The following MRPS21 variants were observed in gnomAD, a reference collection of about 807,000 sequenced individuals.
MRPS21 encodes small ribosomal subunit protein bS21m.
MRPS21 carries 8 observed loss-of-function variants against 9.9 expected under a neutral mutation model. That is an observed-to-expected ratio of 0.81 (90% CI 0.47 to 1.45). MRPS21 has a LOEUF of 1.45. MRPS21 is among the 40% of genes most tolerant of loss of function. The probability of loss-of-function intolerance (pLI) is 0.00; values close to 1 mark genes in which losing one functional copy is unlikely to be tolerated. For synonymous variants in MRPS21, 40 were observed against 40.3 expected, an observed-to-expected ratio of 0.99 and a Z score of 0.03; for missense variants, 101 against 118.9, an observed-to-expected ratio of 0.85 and a Z score of 0.70.
chr1:150,294,285 T>G lies in MRPS21; in HGVS notation c.-32-50T>G. On this transcript the variant is annotated intron_variant, in intron 1 of 2. Coordinates refer to ENST00000614145, the MANE Select transcript of MRPS21 (RefSeq NM_031901.6). ...AAGCCGCGCGGTGTAGTTTGTATTATGTTGCGTTTCTCTTTCTGCTTTCCT... is the reference window on the plus strand; with the variant it reads ...AAGCCGCGCGGTGTAGTTTGTATTAGGTTGCGTTTCTCTTTCTGCTTTCCT... 2.3e-6 allele frequency: 3 copies of G among 1,279,098 alleles called. 1 individual carries two copies. The Admixed American group carries it at 5.2e-5, about 22-fold the overall frequency. The allele number at this position is 1,279,098 out of a possible 1,614,324, so 79.2% of individuals were successfully genotyped here.
intron 2 of MRPS21, among the ~76,000 whole-genome samples, chr1:150,305,968 T>C (rs587607849): frequency 5.9e-5 from 9 of 152,294 alleles, no homozygotes; most frequent in African/African-American, 2.2e-4. Context: ...CATGTCCCTT[T>C]CCCTCTCCTT....
At chr1:150,303,503 CCT>C (rs1172961573) in intron 2 of MRPS21, among the ~76,000 whole-genome samples, 3 of 152,134 alleles carry the variant, frequency 2.0e-5, no homozygotes, top group African/African-American at 7.2e-5. Context: ...CTCTTCACTC[CCT>C]CTTTTACCCA....
intron 2 of MRPS21, among the ~76,000 whole-genome samples, chr1:150,294,753 G>C (rs1653850657): frequency 3.3e-5 from 5 of 151,654 alleles, no homozygotes; most frequent in African/African-American, 9.7e-5. Flanking sequence ...ACAAAAATTA[G>C]CCGGGCGTGG....
At position 150,308,204 on chromosome 1, in the gene MRPS21, G is replaced by A; in HGVS notation, c.240G>A (p.Arg80=). Residue 80 remains arginine (R), a synonymous_variant, in exon 3 of 3, where the codon CGG becomes CGA. Coordinates refer to ENST00000614145, the MANE Select transcript of MRPS21 (RefSeq NM_031901.6). Reference sequence around the variant, plus strand: ...TCAACTTCTTGATGCGAAAGAATCGGGCAGATCCGTGGCAGGGCTGCTGAG... The same window carrying A: ...TCAACTTCTTGATGCGAAAGAATCGAGCAGATCCGTGGCAGGGCTGCTGAG... ...RKINFLMRKN[R]ADPWQGC 6.3e-7 allele frequency: 1 copy of A among 1,599,778 alleles called. No homozygotes were observed. Among genetic ancestry groups the A allele is most frequent in the African/African-American group, 1.3e-5 (1 of 74,850 alleles).
rs1409067374 is a variant in MRPS21, at chr1:150,294,166, A to AT, written c.-32-168dup. On this transcript the variant is annotated intron_variant, in intron 1 of 2. Coordinates refer to ENST00000614145, the MANE Select transcript of MRPS21 (RefSeq NM_031901.6). ...GCGAGGATTTGGACTGGCAGTGAGAATAAGAGACAACGATTCACGTCTACT... is the reference window on the plus strand; with the variant it reads ...GCGAGGATTTGGACTGGCAGTGAGAATTAAGAGACAACGATTCACGTCTACT... 7 of 536,810 alleles carry AT rather than the reference A, an allele frequency of 1.3e-5. No homozygotes were observed. In the East Asian group the frequency reaches 2.0e-4, roughly 15 times the overall value. The allele number at this position is 536,810 out of a possible 1,614,324, so 33.3% of individuals were successfully genotyped here.
At chr1:150,294,232 G>A (rs916113782) in intron 1 of MRPS21, 103 bp from the exon 2 acceptor site, 37 of 722,532 alleles carry the variant, frequency 5.1e-5, no homozygotes, top group Middle Eastern at 3.9e-4. Context: ...GCGCGTCCCT[G>A]AGCATGTTGA....
chr1:150,304,979 C>T, intron 2 of MRPS21: 1 of 361,868 alleles, frequency 2.8e-6, no homozygotes, highest in African/African-American at 2.2e-5. Flanking sequence ...GCGGAGGTTG[C>T]AGTGAGCCAA....
chr1:150,302,300 G>A (rs781966810), intron 2 of MRPS21, among the ~76,000 whole-genome samples: 10 of 152,142 alleles, frequency 6.6e-5, no homozygotes, highest in Admixed American at 3.3e-4. Context: ...ACCACAAAAT[G>A]CCTGTTATAT....
At chr1:150,297,397 C>T (rs370978560) in intron 2 of MRPS21, among the ~76,000 whole-genome samples, 1 of 151,672 alleles carries the variant, frequency 6.6e-6, no homozygotes, top group East Asian at 1.9e-4. Context: ...TAGGGTCAGG[C>T]GTGGTGGCTC....
Position 150,308,327 on chromosome 1 carries a change from A to T in MRPS21, c.*99A>T. The T allele has an allele frequency of 7.9e-7, 1 of 1,271,712 alleles. No individual in the cohort carries two copies. Among genetic ancestry groups the T allele is most frequent in the Non-Finnish European group, 1.1e-6 (1 of 933,596 alleles). The allele number at this position is 1,271,712 out of a possible 1,614,324, so 78.8% of individuals were successfully genotyped here. A position where few individuals can be genotyped will look rare whatever the true frequency, so the allele number is the denominator to read the frequency against. On this transcript the variant is annotated 3_prime_UTR_variant, in exon 3 of 3. Transcript: ENST00000614145. The stretch of plus-strand genomic sequence containing the variant: ...ATTTCCTATTACCATTCTCTGCAAT[A>T]AACTCAAATCACATGTCTGCAAGAA...
chr1:150,299,752 G>A (rs1227067677), intron 2 of MRPS21, among the ~76,000 whole-genome samples: 1 of 152,238 alleles, frequency 6.6e-6, no homozygotes, highest in African/African-American at 2.4e-5. Context: ...ACCACACCCA[G>A]CCCACATACT....
chr1:150,304,850 G>A (rs1490336564), intron 2 of MRPS21: 8 of 225,944 alleles, frequency 3.5e-5, no homozygotes, highest in Non-Finnish European at 6.4e-5. Flanking sequence ...TCAGGAGTTC[G>A]AGACCAGCCT....
At chr1:150,306,871 A>G (rs1234702217) in intron 2 of MRPS21, among the ~76,000 whole-genome samples, 2 of 152,122 alleles carry the variant, frequency 1.3e-5, no homozygotes, top group African/African-American at 4.8e-5. Context: ...GGCTCTCCCC[A>G]GTTGAGGTCT....
At chr1:150,300,459 TAATG>T (rs1654074401) in intron 2 of MRPS21, among the ~76,000 whole-genome samples, 1 of 152,238 alleles carries the variant, frequency 6.6e-6, no homozygotes, top group Non-Finnish European at 1.5e-5. Flanking sequence ...AATGTCTACT[TAATG>T]AACATAAATG....
At chr1:150,301,588 A>G (rs12745691) in intron 2 of MRPS21, among the ~76,000 whole-genome samples, 3 of 151,624 alleles carry the variant, frequency 2.0e-5, no homozygotes, top group Non-Finnish European at 4.4e-5. Flanking sequence ...GAAATGAACA[A>G]ATATTTCAGT....
intron 1 of MRPS21, 22 bp from the exon 2 acceptor site, chr1:150,294,313 C>T (rs781879718): frequency 2.2e-5 from 33 of 1,492,596 alleles, no homozygotes; most frequent in Non-Finnish European, 2.9e-5. Flanking sequence ...GCTTTCCTCG[C>T]CCTTTCTCCA....
chr1:150,300,899 G>C (rs1553857539), intron 2 of MRPS21, among the ~76,000 whole-genome samples: 1 of 152,094 alleles, frequency 6.6e-6, no homozygotes, highest in Admixed American at 6.6e-5. Flanking sequence ...AAGAGGAGTG[G>C]TTAGAAAAAT....
At chr1:150,297,528 A>G (rs497128) in intron 2 of MRPS21, among the ~76,000 whole-genome samples, 71,386 of 151,290 alleles carry the variant, frequency 0.47, 17,832 homozygotes, top group East Asian at 0.76. Context: ...AAAATTAGCC[A>G]TATGTGGTGG....
At position 150,308,183 on chromosome 1, in the gene MRPS21, C is replaced by A; in HGVS notation, c.219C>A (p.Asn73Lys). Residue 73 changes from asparagine (N) to lysine (K), a missense_variant, in exon 3 of 3, where the codon AAC becomes AAA. Coordinates refer to ENST00000614145, the MANE Select transcript of MRPS21 (RefSeq NM_031901.6). The stretch of plus-strand genomic sequence containing the variant: ...ACATGGAAATGGCTCGCAAGATCAA[C>A]TTCTTGATGCGAAAGAATCGGGCAG... ...IYNMEMARKI[N>K]FLMRKNRADP... 6.2e-7 allele frequency: 1 copy of A among 1,605,400 alleles called. No homozygotes were observed. Among genetic ancestry groups the A allele is most frequent in the Non-Finnish European group, 8.5e-7 (1 of 1,172,606 alleles).
Sources: allele counts gnomAD v4.1 joint callset (sites outside exome capture counted in the v4.1 genomes callset), GRCh38; gene constraint gnomAD v4.1.1; transcripts MANE v1.5; gene names NCBI Gene and HGNC (gene_info 2026-07-23, HGNC 2026-07-21).